Variants in MAP2K5 observed in about 807,000 individuals in gnomAD.
MAP2K5 encodes the protein mitogen-activated protein kinase kinase 5, also known as dual specificity mitogen-activated protein kinase kinase 5.
Under a neutral mutation model 83.1 loss-of-function variants are expected in MAP2K5, and 49 were observed. The observed-to-expected ratio is 0.59, with a 90% CI of 0.47 to 0.75. The LOEUF is 0.75. Among genes scored for constraint, MAP2K5 ranks in the 30% least tolerant of loss-of-function variants. MAP2K5 has a pLI of 0.00. For synonymous variants in MAP2K5, 202 were observed against 191.8 expected (o/e 1.05, Z -0.44); for missense variants, 457 against 557.5 (o/e 0.82, Z 1.82).
intron 8 of MAP2K5, chr15:67,628,944 G>A: frequency 1.3e-6 from 1 of 760,922 alleles, no homozygotes; most frequent in Non-Finnish European, 2.4e-6. Context: ...TGGAGGTGGT[G>A]GAAGCTACAA....
chr15:67,549,278 ATTTAT>A, intron 1 of MAP2K5: 1 of 1,330,850 alleles, frequency 7.5e-7, no homozygotes, highest in South Asian at 1.3e-5. Flanking sequence ...AACTTTATAG[ATTTAT>A]TTAAGCATTG....
chr15:67,630,848 T>C, intron 8 of MAP2K5, 40 bp from the exon 9 acceptor site: 1 of 1,523,574 alleles, frequency 6.6e-7, no homozygotes, highest in East Asian at 2.3e-5. Context: ...GTAGGTTGTT[T>C]AGTGATCCCA....
rs2088777375 is a variant in MAP2K5, at chr15:67,714,413, G to GAAAAAA, written c.1044+11005_1044+11006insAAAAAA. ...CCCCCCACCCCTACCCAGCTGCCAGGGAAAAAAAAAAAAAAAAAAAAAAAA... is the reference window on the plus strand; with the variant it reads ...CCCCCCACCCCTACCCAGCTGCCAGGAAAAAAGAAAAAAAAAAAAAAAAAAAAAAAA... On this transcript the variant is annotated intron_variant, in intron 16 of 21. Coordinates refer to ENST00000178640, the MANE Select transcript of MAP2K5 (RefSeq NM_145160.3). Among the ~76,000 whole-genome samples the GAAAAAA allele has an allele frequency of 1.2e-3, 53 of 42,682 alleles. 25 individuals are homozygous for GAAAAAA. The highest frequency in any genetic ancestry group is 4.2e-3 in the African/African-American group (53 of 12,740). The allele number at this position is 42,682 out of a possible 152,430, so 28.0% of individuals were successfully genotyped here.
intron 8 of MAP2K5, among the ~76,000 whole-genome samples, chr15:67,620,811 T>C (rs960166287): frequency 6.6e-6 from 1 of 152,180 alleles, no homozygotes; most frequent in Non-Finnish European, 1.5e-5. Context: ...TTAAAAATTA[T>C]ACGGGTAACT....
rs574709242 is a variant in MAP2K5, at chr15:67,636,409, A to C, written c.585+5482A>C. On this transcript the variant is annotated intron_variant, in intron 9 of 21. Coordinates refer to ENST00000178640, the MANE Select transcript of MAP2K5 (RefSeq NM_145160.3). The surrounding 1 kb of genome is among the most constrained non-coding windows in gnomAD (Gnocchi z 4.7). ...GGCAACAGAATAAGACTCCGTCTCA[A>C]AAAAAAAAAAAAAGTATGAAATATA... is the stretch of plus-strand genomic sequence containing the variant. 4.0e-4 allele frequency among the ~76,000 whole-genome samples: 56 copies of C among 140,738 alleles called. 1 individual carries two copies. The South Asian group carries it at 0.013, about 33-fold the overall frequency. The allele number at this position is 140,738 out of a possible 152,430, so 92.3% of individuals were successfully genotyped here.
rs2140959967 is a variant in MAP2K5, at chr15:67,559,681, C to T, written c.185-3602C>T. On this transcript the variant is annotated intron_variant, in intron 2 of 21. Coordinates refer to ENST00000178640, the MANE Select transcript of MAP2K5 (RefSeq NM_145160.3). The surrounding 1 kb of genome is among the most constrained non-coding windows in gnomAD (Gnocchi z 4.7). ...TAACAAAATCTAGCCAGTACATAGG[C>T]TTTCTGGTTCTACTTTTGCTTCCCT... Among the ~76,000 whole-genome samples, 1 of 152,252 alleles carries T rather than the reference C, an allele frequency of 6.6e-6. No individual in the cohort carries two copies. The highest frequency in any genetic ancestry group is 2.1e-4 in the South Asian group (1 of 4,824).
intron 16 of MAP2K5, among the ~76,000 whole-genome samples, chr15:67,716,418 A>G (rs1156936010): frequency 6.6e-6 from 1 of 152,192 alleles, no homozygotes; most frequent in Non-Finnish European, 1.5e-5. Flanking sequence ...TTGAGTTGAG[A>G]TCTGAAAGAT....
intron 9 of MAP2K5, among the ~76,000 whole-genome samples, chr15:67,639,246 CCTTT>C (rs1232995370): frequency 6.6e-6 from 1 of 152,114 alleles, no homozygotes; most frequent in Non-Finnish European, 1.5e-5. Flanking sequence ...TTCTAATATC[CCTTT>C]CTTTTCCTTA....
intron 15 of MAP2K5, among the ~76,000 whole-genome samples, chr15:67,700,250 C>G (rs2088382273): frequency 6.6e-6 from 1 of 152,174 alleles, no homozygotes; most frequent in Non-Finnish European, 1.5e-5. Flanking sequence ...GCCAGAAGGA[C>G]TGCCCTTTAA....
chr15:67,547,118 C>G (rs921077052), intron 1 of MAP2K5, among the ~76,000 whole-genome samples: 31 of 69,136 alleles, frequency 4.5e-4, no homozygotes, highest in Non-Finnish European at 7.3e-4. Flanking sequence ...AGATTTCTGT[C>G]TAAACTGAGT....
Position 67,746,466 on chromosome 15 carries a change from A to G in MAP2K5, c.1075-1765A>G, listed in dbSNP as rs76646754. On this transcript the variant is annotated intron_variant, in intron 17 of 21. Coordinates refer to ENST00000178640, the MANE Select transcript of MAP2K5 (RefSeq NM_145160.3). The surrounding 1 kb of genome is among the most constrained non-coding windows in gnomAD (Gnocchi z 4.1). Reference sequence around the variant, plus strand: ...GTATCAGTGTGTGCTTGAAAAAAAAATAAAAGCAAACTCCATAGATATCTC... The same window carrying G: ...GTATCAGTGTGTGCTTGAAAAAAAAGTAAAAGCAAACTCCATAGATATCTC... 3.3e-5 allele frequency among the ~76,000 whole-genome samples: 5 copies of G among 152,158 alleles called. No homozygotes were observed. Among genetic ancestry groups the G allele is most frequent in the African/African-American group, 4.8e-5 (2 of 41,428 alleles).
intron 13 of MAP2K5, among the ~76,000 whole-genome samples, chr15:67,675,881 G>A (rs1245664101): frequency 6.6e-6 from 1 of 152,104 alleles, no homozygotes; most frequent in Admixed American, 6.5e-5. Context: ...CTTCCATTCT[G>A]AAAATGAGTA....
At position 67,708,079 on chromosome 15, in the gene MAP2K5, G is replaced by A. The variant is rs374396630; in HGVS notation, c.1044+4671G>A. 6.6e-6 allele frequency among the ~76,000 whole-genome samples: 1 copy of A among 152,158 alleles called. No individual in the cohort carries two copies. The highest frequency in any genetic ancestry group is 1.9e-4 in the East Asian group (1 of 5,194). On this transcript the variant is annotated intron_variant, in intron 16 of 21. Coordinates refer to ENST00000178640, the MANE Select transcript of MAP2K5 (RefSeq NM_145160.3). The surrounding 1 kb of genome is among the most constrained non-coding windows in gnomAD (Gnocchi z 4.9). ...TCCTGTAATACCAGCACTTTGAGAG[G>A]CTGAGGCAGGAGGATTGCTTGAGGC...
intron 13 of MAP2K5, among the ~76,000 whole-genome samples, chr15:67,686,792 TA>T (rs1216512953): frequency 6.6e-6 from 1 of 152,134 alleles, no homozygotes; most frequent in East Asian, 1.9e-4. Context: ...TGGATGAGTT[TA>T]AAAACTTTGA....
chr15:67,592,798 G>A lies in MAP2K5; in HGVS notation c.432-128G>A, dbSNP rs1377018268. ...GTTACTTTTGAAAAAAATTTACATT[G>A]GGAGAAGGATGTGAAGAATATGCTC... On this transcript the variant is annotated intron_variant, in intron 6 of 21. Coordinates refer to ENST00000178640, the MANE Select transcript of MAP2K5 (RefSeq NM_145160.3). The A allele has an allele frequency of 9.4e-6, 6 of 641,520 alleles. 1 individual carries two copies. The highest frequency in any genetic ancestry group is 5.9e-5 in the South Asian group (3 of 50,896). The allele number at this position is 641,520 out of a possible 1,614,324, so 39.7% of individuals were successfully genotyped here.
rs772826958 is a variant in MAP2K5 at position 67,780,161 on chromosome 15, G to T, written c.1242+7409G>T. Among the ~76,000 whole-genome samples, 5 of 152,100 alleles carry T rather than the reference G, an allele frequency of 3.3e-5. No homozygotes were observed. Among genetic ancestry groups the T allele is most frequent in the Non-Finnish European group, 7.4e-5 (5 of 68,008 alleles). On this transcript the variant is annotated intron_variant, in intron 21 of 21. Coordinates refer to ENST00000178640, the MANE Select transcript of MAP2K5 (RefSeq NM_145160.3). The surrounding 1 kb of genome is among the most constrained non-coding windows in gnomAD (Gnocchi z 5.0). ...ACAAGTTAGTCCATGTAGTACAGCG[G>T]CTCTCAACACTAGCAGCTCATCAGA...
At chr15:67,549,146 AAT>A (rs1239512586) in intron 1 of MAP2K5, 1 of 1,535,590 alleles carries the variant, frequency 6.5e-7, no homozygotes, top group African/African-American at 1.4e-5. Context: ...CCTGGAGAGA[AAT>A]GAGGTTTGCA....
chr15:67,742,133 C>T (rs1203494674), intron 17 of MAP2K5, among the ~76,000 whole-genome samples: 8 of 152,232 alleles, frequency 5.3e-5, no homozygotes, highest in South Asian at 2.1e-4. Flanking sequence ...CCTCGTGATC[C>T]GCCCGCCTCA....
At chr15:67,602,159 A>G (rs1479628115) in intron 8 of MAP2K5, among the ~76,000 whole-genome samples, 1 of 152,160 alleles carries the variant, frequency 6.6e-6, no homozygotes, top group Non-Finnish European at 1.5e-5. Flanking sequence ...CGCAACCTCC[A>G]CTATAAACGG....
Sources: gnomAD v4.1 joint callset for allele counts (sites outside exome capture counted in the v4.1 genomes callset) on GRCh38, gnomAD v4.1.1 for gene constraint, Gnocchi (gnomAD v3.1) non-coding constraint, MANE v1.5 for transcripts, NCBI Gene and HGNC (gene_info 2026-07-23, HGNC 2026-07-21) for gene names.